Variants in PLEKHG3 observed in about 807,000 individuals in gnomAD.
The protein encoded by PLEKHG3 is pleckstrin homology and RhoGEF domain containing G3, also known as pleckstrin homology domain-containing family G member 3.
PLEKHG3 carries 62 observed loss-of-function variants against 94.9 expected under a neutral mutation model. The ratio of observed to expected loss-of-function variants is 0.65; its 90% CI spans 0.53 to 0.81. The LOEUF (loss-of-function observed/expected upper bound fraction) is 0.81, where lower values mean the gene tolerates loss of function less well. Ranked by LOEUF, PLEKHG3 falls within the 30% of genes least tolerant of loss-of-function variation. The probability of loss-of-function intolerance (pLI) is 0.00; values close to 1 mark genes in which losing one functional copy is unlikely to be tolerated. For synonymous variants in PLEKHG3, 614 were observed against 654.0 expected, an observed-to-expected ratio of 0.94 and a Z score of 0.93; for missense variants, 1,461 against 1,619.3, an observed-to-expected ratio of 0.90 and a Z score of 1.68.
rs1296794122 is a variant in PLEKHG3, at chr14:64,730,202, C to T, written c.450-41C>T. ...AGGGGGCAGTGAGGGGCATTGTCCT[C>T]TGACTGCAGAGGGTACAGTGGCTGC... On this transcript the variant is annotated intron_variant, in intron 3 of 16. Coordinates refer to ENST00000247226, the MANE Select transcript of PLEKHG3 (RefSeq NM_001308147.2). This position sits in a 1 kb window ranked among gnomAD's most constrained non-coding sequence, Gnocchi z 5.4. The T allele has an allele frequency of 8.5e-7, 1 of 1,177,864 alleles. No individual in the cohort carries two copies. The highest frequency in any genetic ancestry group is 1.3e-5 in the South Asian group (1 of 76,928). The allele number at this position is 1,177,864 out of a possible 1,614,324, so 73.0% of individuals were successfully genotyped here. A position where few individuals can be genotyped will look rare whatever the true frequency, so the allele number is the denominator to read the frequency against.
intron 1 of PLEKHG3, among the ~76,000 whole-genome samples, chr14:64,714,354 T>A (rs1487835054): frequency 6.6e-6 from 1 of 152,236 alleles, no homozygotes; most frequent in African/African-American, 2.4e-5. Flanking sequence ...GGCTGCTTCT[T>A]ACAATACAGG....
chr14:64,710,727 A>G (rs945671413), intron 1 of PLEKHG3, among the ~76,000 whole-genome samples: 1 of 152,004 alleles, frequency 6.6e-6, no homozygotes, highest in Admixed American at 6.6e-5. Context: ...ATAGAGGGGG[A>G]AAAATGACTA....
Position 64,741,478 on chromosome 14 carries a change from A to C in PLEKHG3, c.1961A>C (p.His654Pro), listed in dbSNP as rs777622732. 7 of 1,612,844 alleles carry C rather than the reference A, an allele frequency of 4.3e-6. No homozygotes were observed. The stretch of plus-strand genomic sequence containing the variant: ...GGCAGCGAGAAGGGCCTGGCCCGGC[A>C]TGGCAGTGCCACAGACTCCCTCAGC... ...LEGSEKGLARHGSATDSLSCQ... is the reference protein window; with the variant it reads ...LEGSEKGLARPGSATDSLSCQ... The change falls in exon 16 of 17, where the codon CAT becomes CCT. Residue 654 changes from histidine to proline, a missense_variant. Coordinates refer to ENST00000247226, the MANE Select transcript of PLEKHG3 (RefSeq NM_001308147.2).
Position 64,722,062 on chromosome 14 carries a change from T to C in PLEKHG3, c.-39-5531T>C, listed in dbSNP as rs1199438985. On this transcript the variant is annotated intron_variant, in intron 1 of 16. Coordinates refer to ENST00000247226, the MANE Select transcript of PLEKHG3 (RefSeq NM_001308147.2). The surrounding 1 kb of genome is among the most constrained non-coding windows in gnomAD (Gnocchi z 4.3). ...TTTTGAAGGGATTCCGAAAGTGCCG[T>C]CTTGGGGATTGTTTGGGGGAAGGAC... 2.6e-5 allele frequency among the ~76,000 whole-genome samples: 4 copies of C among 152,120 alleles called. No homozygotes were observed. Among genetic ancestry groups the C allele is most frequent in the Admixed American group, 6.6e-5 (1 of 15,262 alleles).
At chr14:64,713,765 CT>C (rs748986439) in intron 1 of PLEKHG3, among the ~76,000 whole-genome samples, 2 of 150,442 alleles carry the variant, frequency 1.3e-5, no homozygotes, top group African/African-American at 2.4e-5. Context: ...CCCCCATTTC[CT>C]TTTTTTTTCT....
intron 1 of PLEKHG3, among the ~76,000 whole-genome samples, chr14:64,710,129 G>A (rs2081043933): frequency 1.3e-5 from 2 of 152,058 alleles, no homozygotes; most frequent in South Asian, 4.1e-4. Flanking sequence ...TGGACAGCAG[G>A]GTGTATTTAT....
chr14:64,705,038 C>T (rs533082432), intron 1 of PLEKHG3, among the ~76,000 whole-genome samples: 1 of 152,306 alleles, frequency 6.6e-6, no homozygotes, highest in South Asian at 2.1e-4. Flanking sequence ...CGCGCGCGCC[C>T]GAGGGCTGGT....
Position 64,738,062 on chromosome 14 carries a change from G to C in PLEKHG3, c.1405-680G>C. On this transcript the variant is annotated intron_variant, in intron 14 of 16. Transcript: ENST00000247226. This position sits in a 1 kb window ranked among gnomAD's most constrained non-coding sequence, Gnocchi z 4.8. ...TGACAGGGCATGAAGGCAACGAGAAGGGGGCTGGGCCGGAGCCCCCAGGCT... is the reference window on the plus strand; with the variant it reads ...TGACAGGGCATGAAGGCAACGAGAACGGGGCTGGGCCGGAGCCCCCAGGCT... 5.4e-6 allele frequency: 7 copies of C among 1,299,140 alleles called. No homozygotes were observed. The highest frequency in any genetic ancestry group is 7.0e-6 in the Non-Finnish European group (7 of 994,616). The allele number at this position is 1,299,140 out of a possible 1,614,324, so 80.5% of individuals were successfully genotyped here.
chr14:64,711,228 GA>G (rs1304986353), intron 1 of PLEKHG3, among the ~76,000 whole-genome samples: 3 of 152,032 alleles, frequency 2.0e-5, no homozygotes, highest in Non-Finnish European at 4.4e-5. Flanking sequence ...ACACTGTTTT[GA>G]AACTCTGCAT....
intron 14 of PLEKHG3, 80 bp downstream of exon 14, chr14:64,737,455 T>A: frequency 1.1e-6 from 1 of 909,122 alleles, no homozygotes; most frequent in South Asian, 1.7e-5. Context: ...CCTTCAGCCC[T>A]CATTGTCTTC....
chr14:64,743,643 C>G lies in PLEKHG3; in HGVS notation c.3600C>G (p.Ser1200Arg). The G allele has an allele frequency of 6.2e-7, 1 of 1,609,946 alleles. No individual in the cohort carries two copies. The highest frequency in any genetic ancestry group is 8.5e-7 in the Non-Finnish European group (1 of 1,178,834). ...EEGSRDPADP[S>R]QQGRVRNLRE... Reference sequence around the variant, plus strand: ...GTTCCAGGGACCCGGCAGACCCGAGCCAGCAGGGCAGAGTGAGAAACCTTA... The same window carrying G: ...GTTCCAGGGACCCGGCAGACCCGAGGCAGCAGGGCAGAGTGAGAAACCTTA... Residue 1200 changes from serine to arginine, a missense_variant, in exon 17 of 17, where the codon AGC (serine) becomes AGG (arginine). Coordinates refer to ENST00000247226, the MANE Select transcript of PLEKHG3 (RefSeq NM_001308147.2). The surrounding 1 kb of genome is among the most constrained non-coding windows in gnomAD (Gnocchi z 7.2).
In PLEKHG3 at chr14:64,742,350, G is replaced by A. The variant is rs2081719853; in HGVS notation, c.2833G>A (p.Ala945Thr). The change falls in exon 16 of 17, where the codon GCC (alanine) becomes ACC (threonine). Residue 945 changes from alanine to threonine, a missense_variant. Ala to Thr is a moderately conservative substitution (Grantham distance 58). This residue lies in a region of PLEKHG3 where 1,201 missense variants were observed against 1,295.5 expected (regional missense o/e 0.93). Coordinates refer to ENST00000247226, the MANE Select transcript of PLEKHG3 (RefSeq NM_001308147.2). ...GATCAAGAGCAACAAGCCAGTGATG[G>A]CCAGGCCACCACTGCAGTGGGAAAA... is the stretch of plus-strand genomic sequence containing the variant. ...LRIKSNKPVM[A>T]RPPLQWEKVA... is the part of the protein sequence containing the mutation. 2.5e-6 allele frequency: 4 copies of A among 1,612,964 alleles called. No individual in the cohort carries two copies. The East Asian group carries it at 6.7e-5, about 27-fold the overall frequency.
chr14:64,749,641 T>C lies in PLEKHG3; in HGVS notation c.*5938T>C. On this transcript the variant is annotated 3_prime_UTR_variant, in exon 17 of 17. Transcript: ENST00000247226. This position sits in a 1 kb window ranked among gnomAD's most constrained non-coding sequence, Gnocchi z 4.7. ...CTTCTTAGCCAGGTCTGGGCTAGGC[T>C]GCCCGCGCTTACCTCATCCTTGCCA... The C allele has an allele frequency of 6.2e-7, 1 of 1,613,582 alleles. No individual in the cohort carries two copies. Among genetic ancestry groups the C allele is most frequent in the East Asian group, 2.2e-5 (1 of 44,864 alleles).
Position 64,737,067 on chromosome 14 carries a change from G to C in PLEKHG3, c.1384+176G>C, listed in dbSNP as rs229652. The C allele has an allele frequency of 4.2e-3, 2,884 of 685,576 alleles. 63 individuals carry two copies. The African/African-American group carries it at 0.043, about 10-fold the overall frequency. 42.5% of individuals were successfully genotyped at this position (685,576 alleles called of 1,614,324 possible). On this transcript the variant is annotated intron_variant, in intron 13 of 16. Coordinates refer to ENST00000247226, the MANE Select transcript of PLEKHG3 (RefSeq NM_001308147.2). ...CCTCGCCCCTGGCTGGCTGAGGAGA[G>C]GGGCTGGAGCTCTCCCCCATGCACA...
In PLEKHG3 at chr14:64,718,926, G is replaced by A. The variant is rs773654217; in HGVS notation, c.-39-8667G>A. ...AACTTCTGCTCTTGCTCAGGCCTGC[G>A]GTGCCCCCTGGCCCTGTTTCTCTCC... is the stretch of plus-strand genomic sequence containing the variant. On this transcript the variant is annotated intron_variant, in intron 1 of 16. Coordinates refer to ENST00000247226, the MANE Select transcript of PLEKHG3 (RefSeq NM_001308147.2). This position sits in a 1 kb window ranked among gnomAD's most constrained non-coding sequence, Gnocchi z 5.0. Among the ~76,000 whole-genome samples, 8 of 152,074 alleles carry A rather than the reference G, an allele frequency of 5.3e-5. No homozygotes were observed. The highest frequency in any genetic ancestry group is 2.1e-4 in the South Asian group (1 of 4,824).
rs1216827531 is a variant in PLEKHG3, at chr14:64,746,471, T to TCCAAGCCA, written c.*2777_*2784dup. 1.3e-5 allele frequency: 2 copies of TCCAAGCCA among 152,716 alleles called. No homozygotes were observed. Among genetic ancestry groups the TCCAAGCCA allele is most frequent in the Non-Finnish European group, 2.9e-5 (2 of 68,136 alleles). The allele number at this position is 152,716 out of a possible 1,614,324, so 9.5% of individuals were successfully genotyped here. On this transcript the variant is annotated 3_prime_UTR_variant, in exon 17 of 17. Coordinates refer to ENST00000247226, the MANE Select transcript of PLEKHG3 (RefSeq NM_001308147.2). This position sits in a 1 kb window ranked among gnomAD's most constrained non-coding sequence, Gnocchi z 4.9. ...CTCATTTCCTCCCTGAGCTTGTTTGTCCAAGCCACCAAGCCATGTGGTCCC... is the reference window on the plus strand; with the variant it reads ...CTCATTTCCTCCCTGAGCTTGTTTGTCCAAGCCACCAAGCCACCAAGCCATGTGGTCCC...
In PLEKHG3 at chr14:64,749,913, C is replaced by T. The variant is rs961113021; in HGVS notation, c.*6210C>T. On this transcript the variant is annotated 3_prime_UTR_variant, in exon 17 of 17. Transcript: ENST00000247226. The surrounding 1 kb of genome is among the most constrained non-coding windows in gnomAD (Gnocchi z 4.7). ...CCTGGCACTGGTCCCCTACAGAGGG[C>T]CTCTGCCCTGCCACTAATGCCAAAT... The T allele has an allele frequency of 1.1e-5, 18 of 1,603,466 alleles. No homozygotes were observed. The highest frequency in any genetic ancestry group is 2.7e-5 in the African/African-American group (2 of 74,716).
chr14:64,731,635 AC>A lies in PLEKHG3; in HGVS notation c.1033-77del. The A allele has an allele frequency of 6.6e-7, 1 of 1,513,190 alleles. No homozygotes were observed. The highest frequency in any genetic ancestry group is 9.2e-7 in the Non-Finnish European group (1 of 1,088,648). The allele number at this position is 1,513,190 out of a possible 1,614,324, so 93.7% of individuals were successfully genotyped here. The stretch of plus-strand genomic sequence containing the variant: ...CTTGTCTGCTTCTTGGGGCTCCAGC[AC>A]CACCCTTCTGAGATCACCCTCCCTG... On this transcript the variant is annotated intron_variant, in intron 8 of 16. Transcript: ENST00000247226. The surrounding 1 kb of genome is among the most constrained non-coding windows in gnomAD (Gnocchi z 6.1).
At chr14:64,714,117 T>G (rs2081101198) in intron 1 of PLEKHG3, among the ~76,000 whole-genome samples, 1 of 152,238 alleles carries the variant, frequency 6.6e-6, no homozygotes, top group Non-Finnish European at 1.5e-5. Context: ...TTTGTTCAAT[T>G]TTCTGACTTC....
Sources: gnomAD v4.1 joint callset for allele counts (sites outside exome capture counted in the v4.1 genomes callset) on GRCh38, gnomAD v4.1.1 for gene constraint, gnomAD v4.1.1 regional missense constraint, Gnocchi (gnomAD v3.1) non-coding constraint, MANE v1.5 for transcripts, NCBI Gene and HGNC (gene_info 2026-07-23, HGNC 2026-07-21) for gene names.